Variants in ATP11A observed in about 807,000 individuals in gnomAD.
ATP11A encodes the protein phospholipid-transporting ATPase IH.
ATP11A carries 81 observed loss-of-function variants against 154.4 expected under a neutral mutation model. That is an observed-to-expected ratio of 0.52 (90% CI 0.44 to 0.63). The LOEUF is 0.63. Among genes scored for constraint, ATP11A ranks in the 30% least tolerant of loss-of-function variants. The pLI is 0.00. For missense variants in ATP11A, 1,316 were observed against 1,474.3 expected, an observed-to-expected ratio of 0.89 and a Z score of 1.76; for synonymous variants, 623 against 585.9, an observed-to-expected ratio of 1.06 and a Z score of -0.91.
Position 112,715,975 on chromosome 13 carries a change from T to G in ATP11A, c.39+25520T>G, listed in dbSNP as rs1350413435. Among the ~76,000 whole-genome samples, 16 of 152,204 alleles carry G rather than the reference T, an allele frequency of 1.1e-4. No homozygotes were observed. The East Asian group carries it at 3.1e-3, about 30-fold the overall frequency. Reference sequence around the variant, plus strand: ...GGATGGTAGTGGCTGGGTGTGGAATTGGGTTTTGCTTTGCTTTCTCTCCCC... The same window carrying G: ...GGATGGTAGTGGCTGGGTGTGGAATGGGGTTTTGCTTTGCTTTCTCTCCCC... On this transcript the variant is annotated intron_variant, in intron 1 of 29. Coordinates refer to ENST00000375645, the MANE Select transcript of ATP11A (RefSeq NM_015205.3).
chr13:112,711,200 T>TA (rs897816504), intron 1 of ATP11A, among the ~76,000 whole-genome samples: 27 of 151,660 alleles, frequency 1.8e-4, no homozygotes, highest in South Asian at 1.7e-3. Context: ...CAGAGCCATT[T>TA]AAAAAAAAAT....
chr13:112,827,040 G>T (rs1327558768), intron 12 of ATP11A, 149 bp downstream of exon 12: 23 of 745,332 alleles, frequency 3.1e-5, no homozygotes, highest in Non-Finnish European at 3.4e-5. Context: ...CCCTATTTAT[G>T]AAACAGTCAG....
intron 4 of ATP11A, among the ~76,000 whole-genome samples, chr13:112,808,885 T>C (rs1455559072): frequency 6.6e-6 from 1 of 152,124 alleles, no homozygotes; most frequent in Non-Finnish European, 1.5e-5. Context: ...GTCCTTCCCG[T>C]CCCAGCCAGG....
At chr13:112,868,862 A>G (rs113037424) in intron 25 of ATP11A, among the ~76,000 whole-genome samples, 1,599 of 152,192 alleles carry the variant, frequency 0.011, 28 homozygotes, top group African/African-American at 0.036. Flanking sequence ...GAAACTTACA[A>G]TCATGGCGGA....
In ATP11A at chr13:112,807,436, G is replaced by A. The variant is rs945669653; in HGVS notation, c.333+1143G>A. ...CCGTAAGGAAATGGACAGCTCCGCC[G>A]CGGTGCATGGCAGAACACAGCACAG... On this transcript the variant is annotated intron_variant, in intron 4 of 29. Transcript: ENST00000375645. The surrounding 1 kb of genome is among the most constrained non-coding windows in gnomAD (Gnocchi z 4.5). Among the ~76,000 whole-genome samples, 14 of 152,186 alleles carry A rather than the reference G, an allele frequency of 9.2e-5. No homozygotes were observed. The highest frequency in any genetic ancestry group is 2.4e-4 in the African/African-American group (10 of 41,440).
intron 27 of ATP11A, 98 bp downstream of exon 27, chr13:112,873,774 G>A: frequency 8.4e-7 from 1 of 1,193,822 alleles, no homozygotes; most frequent in Non-Finnish European, 1.2e-6. Context: ...GGCCCTGTTG[G>A]TTGGGGCAAG....
intron 2 of ATP11A, among the ~76,000 whole-genome samples, chr13:112,796,148 G>A (rs868500575): frequency 5.3e-5 from 8 of 152,206 alleles, no homozygotes; most frequent in African/African-American, 1.9e-4. Context: ...GAAATGAAGA[G>A]CTAGCCATGT....
rs1884992283 is a variant in ATP11A, at chr13:112,690,310, C to G, written c.-107C>G. 6.9e-6 allele frequency: 6 copies of G among 869,134 alleles called. No individual in the cohort carries two copies. Among genetic ancestry groups the G allele is most frequent in the Non-Finnish European group, 8.7e-6 (6 of 687,730 alleles). 53.8% of individuals were successfully genotyped at this position (869,134 alleles called of 1,614,324 possible). A position where few individuals can be genotyped will look rare whatever the true frequency, so the allele number is the denominator to read the frequency against. The stretch of plus-strand genomic sequence containing the variant: ...CCTGCACCGCCCGGCGCGCCGAGGC[C>G]GTGACCGGAGCGGGGGGCGCGGCCG... On this transcript the variant is annotated 5_prime_UTR_variant, in exon 1 of 30. Transcript: ENST00000375645. The surrounding 1 kb of genome is among the most constrained non-coding windows in gnomAD (Gnocchi z 5.6).
chr13:112,806,306 C>T lies in ATP11A; in HGVS notation c.333+13C>T. 6.2e-7 allele frequency: 1 copy of T among 1,600,608 alleles called. No homozygotes were observed. Among genetic ancestry groups the T allele is most frequent in the Non-Finnish European group, 8.5e-7 (1 of 1,170,422 alleles). ...GGCTATCAAACAGGTAAGCATTTTA[C>T]AGACGAAAAAGAAGCAATCGTCATC... On this transcript the variant is annotated intron_variant, in intron 4 of 29. Transcript: ENST00000375645.
intron 2 of ATP11A, among the ~76,000 whole-genome samples, chr13:112,799,581 G>T (rs1054103149): frequency 6.6e-6 from 1 of 152,202 alleles, no homozygotes; most frequent in Non-Finnish European, 1.5e-5. Context: ...ATTAGTTGGG[G>T]TGAGGCAGGA....
In ATP11A at chr13:112,738,864, T is replaced by C. The variant is rs1891260501; in HGVS notation, c.40-46271T>C. On this transcript the variant is annotated intron_variant, in intron 1 of 29. Coordinates refer to ENST00000375645, the MANE Select transcript of ATP11A (RefSeq NM_015205.3). ...CCCACTGTGAGTCTAGGTTGGCCCATGCAGTTCTGGGGCCTGCTGTATGTC... is the reference window on the plus strand; with the variant it reads ...CCCACTGTGAGTCTAGGTTGGCCCACGCAGTTCTGGGGCCTGCTGTATGTC... Among the ~76,000 whole-genome samples, 5 of 144,010 alleles carry C rather than the reference T, an allele frequency of 3.5e-5. 1 individual carries two copies. In the South Asian group the frequency reaches 1.1e-3, roughly 30 times the overall value. 94.5% of individuals were successfully genotyped at this position (144,010 alleles called of 152,430 possible). A position where few individuals can be genotyped will look rare whatever the true frequency, so the allele number is the denominator to read the frequency against.
intron 26 of ATP11A, 86 bp downstream of exon 26, chr13:112,871,886 A>AT: frequency 2.2e-6 from 3 of 1,388,548 alleles, no homozygotes; most frequent in Non-Finnish European, 3.1e-6. Context: ...TCTCTGAATT[A>AT]TAACTCTGTA....
At chr13:112,736,682 G>A (rs1415081120) in intron 1 of ATP11A, among the ~76,000 whole-genome samples, 1 of 152,136 alleles carries the variant, frequency 6.6e-6, no homozygotes, top group African/African-American at 2.4e-5. Flanking sequence ...AGTACATTTT[G>A]GAAATCTGTC....
intron 4 of ATP11A, among the ~76,000 whole-genome samples, chr13:112,806,947 T>G (rs1429459251): frequency 6.6e-6 from 1 of 152,252 alleles, no homozygotes; most frequent in Non-Finnish European, 1.5e-5. Flanking sequence ...TTTCTCTGCA[T>G]CTGAGCAGGC....
At chr13:112,694,899 A>G (rs1360560430) in intron 1 of ATP11A, among the ~76,000 whole-genome samples, 1 of 152,204 alleles carries the variant, frequency 6.6e-6, no homozygotes, top group Non-Finnish European at 1.5e-5. Context: ...AAGCAGTGCT[A>G]TATTAGAGTG....
chr13:112,879,142 G>A (rs894200493), intron 29 of ATP11A, among the ~76,000 whole-genome samples: 4 of 152,324 alleles, frequency 2.6e-5, no homozygotes, highest in South Asian at 2.1e-4. Flanking sequence ...CCGCCTTCAC[G>A]CATGCCTCCA....
chr13:112,852,720 G>T (rs1202149034), intron 18 of ATP11A, among the ~76,000 whole-genome samples: 1 of 150,754 alleles, frequency 6.6e-6, no homozygotes, highest in African/African-American at 2.4e-5. Context: ...AGCCCCTGGG[G>T]CGGGGGGCAG....
At chr13:112,880,731 T>C (rs2080860687) in intron 29 of ATP11A, 4 of 1,184,008 alleles carry the variant, frequency 3.4e-6, no homozygotes, top group Non-Finnish European at 4.3e-6. Flanking sequence ...TGTGCTGTGC[T>C]GTCTTTGATA....
In ATP11A at chr13:112,846,846, C is replaced by T. The variant is rs114241050; in HGVS notation, c.1810-4191C>T. Among the ~76,000 whole-genome samples, 454 of 152,358 alleles carry T rather than the reference C, an allele frequency of 3.0e-3. 1 individual carries two copies. The highest frequency in any genetic ancestry group is 0.01 in the African/African-American group (434 of 41,588). On this transcript the variant is annotated intron_variant, in intron 17 of 29. Transcript: ENST00000375645. ...GCCTTCGTGATGTCCAGCAGACCCA[C>T]AGCAGTGCCTGCCCCGGGTGGTGCT...
Sources: gnomAD v4.1 joint callset for allele counts (sites outside exome capture counted in the v4.1 genomes callset) on GRCh38, gnomAD v4.1.1 for gene constraint, Gnocchi (gnomAD v3.1) non-coding constraint, MANE v1.5 for transcripts, NCBI Gene and HGNC (gene_info 2026-07-23, HGNC 2026-07-21) for gene names.